The following IFI16 variants were observed in gnomAD, a reference collection of about 807,000 sequenced individuals.
The protein encoded by IFI16 is gamma-interferon-inducible protein 16.
In IFI16, 49 loss-of-function variants were observed where a neutral mutation model predicts 68.4. That is an observed-to-expected ratio of 0.72 (90% CI 0.57 to 0.91). The LOEUF is 0.91. Among genes scored for constraint, IFI16 ranks in the 40% least tolerant of loss-of-function variants. The pLI is 0.00. For synonymous variants in IFI16, 307 were observed against 315.0 expected (o/e 0.97, Z 0.27); for missense variants, 878 against 942.9 (o/e 0.93, Z 0.90).
At chr1:159,052,148 T>C (rs1422346562) in intron 10 of IFI16, 50 bp downstream of exon 10, 11 of 1,467,324 alleles carry the variant, frequency 7.5e-6, no homozygotes, top group Non-Finnish European at 1.0e-5. Flanking sequence ...CCTCCAATTT[T>C]TAAAGTCTTA....
upstream of IFI16, among the ~76,000 whole-genome samples, chr1:159,002,503 A>C (rs77477657): frequency 0.025 from 3,759 of 152,184 alleles, 160 homozygotes; most frequent in African/African-American, 0.086. Flanking sequence ...TTTTTTTCTA[A>C]GCTCATCCTT....
chr1:159,004,139 T>C (rs1652166160), upstream of IFI16, among the ~76,000 whole-genome samples: 1 of 139,590 alleles, frequency 7.2e-6, no homozygotes. Flanking sequence ...ACTTGTAAAT[T>C]TTATTTCTCT....
intron 6 of IFI16, among the ~76,000 whole-genome samples, chr1:159,030,348 C>A (rs1434894455): frequency 1.3e-5 from 2 of 152,118 alleles, no homozygotes; most frequent in Non-Finnish European, 1.5e-5. Flanking sequence ...GTAGTGTGAT[C>A]TTTTGGGGCT....
upstream of IFI16, among the ~76,000 whole-genome samples, chr1:159,006,227 A>C (rs576959760): frequency 6.6e-6 from 1 of 152,354 alleles, no homozygotes; most frequent in East Asian, 1.9e-4. Flanking sequence ...AATGCTCAAA[A>C]TTCTCTCGGC....
At chr1:159,028,196 G>C (rs1466178717) in intron 6 of IFI16, among the ~76,000 whole-genome samples, 1 of 151,988 alleles carries the variant, frequency 6.6e-6, no homozygotes, top group East Asian at 1.9e-4. Context: ...GTATCTCAGA[G>C]GTTTTATAGG....
intron 7 of IFI16, among the ~76,000 whole-genome samples, chr1:159,034,337 T>G (rs1200260030): frequency 1.3e-5 from 2 of 152,180 alleles, no homozygotes; most frequent in Admixed American, 6.5e-5. Context: ...CTCTGTGTCT[T>G]TTGATATTTA....
intron 7 of IFI16, among the ~76,000 whole-genome samples, chr1:159,033,161 G>C (rs1654114265): frequency 6.6e-6 from 1 of 152,064 alleles, no homozygotes; most frequent in African/African-American, 2.4e-5. Flanking sequence ...TCACTGGTGA[G>C]AATCTCCTTA....
Position 159,032,576 on chromosome 1 carries a change from C to T in IFI16, c.1214C>T (p.Pro405Leu), listed in dbSNP as rs748659328. ...AATGACCCCAAGAGCATGAAGCTAC[C>T]CCAGGAACAGCGTCAGCTTCCATAT... ...RNNDPKSMKL[P>L]QEQRQLPYPS... The change falls in exon 7 of 12, where the codon CCC (proline) becomes CTC (leucine). Residue 405 changes from proline to leucine, a missense_variant. Physicochemically the swap from Pro to Leu is moderately conservative, Grantham distance 98 (BLOSUM62 -3). Coordinates refer to ENST00000295809, the MANE Select transcript of IFI16 (RefSeq NM_001376587.1). 1 of 1,611,640 alleles carries T rather than the reference C, an allele frequency of 6.2e-7. No individual in the cohort carries two copies. Among genetic ancestry groups the T allele is most frequent in the African/African-American group, 1.3e-5 (1 of 74,712 alleles).
chr1:159,036,516 A>G (rs2101885282), intron 7 of IFI16, among the ~76,000 whole-genome samples: 1 of 152,278 alleles, frequency 6.6e-6, no homozygotes, highest in South Asian at 2.1e-4. Flanking sequence ...GCCTTAATGA[A>G]CTCTAAAGCT....
chr1:159,054,779 C>T, intron 11 of IFI16, 42 bp from the exon 12 acceptor site: 1 of 1,009,880 alleles, frequency 9.9e-7, no homozygotes, highest in Non-Finnish European at 1.6e-6. Context: ...GTAGGATCAT[C>T]AGCATCTCAA....
At chr1:159,019,274 TAG>T (rs1653139966) in intron 5 of IFI16, among the ~76,000 whole-genome samples, 1 of 127,338 alleles carries the variant, frequency 7.9e-6, no homozygotes, top group African/African-American at 3.5e-5. Flanking sequence ...AAAAAAAAAA[TAG>T]AGTACAGAGT....
chr1:159,032,188 G>A (rs1433781907), intron 6 of IFI16, among the ~76,000 whole-genome samples: 1 of 152,174 alleles, frequency 6.6e-6, no homozygotes, highest in East Asian at 1.9e-4. Context: ...GTATAAATTG[G>A]TATATGTAGA....
chr1:159,055,000 A>C lies in IFI16; in HGVS notation c.*99A>C, dbSNP rs969886607. 2.1e-5 allele frequency: 12 copies of C among 580,256 alleles called. No homozygotes were observed. The African/African-American group carries it at 2.2e-4, about 11-fold the overall frequency. 35.9% of individuals were successfully genotyped at this position (580,256 alleles called of 1,614,324 possible). A position where few individuals can be genotyped will look rare whatever the true frequency, so the allele number is the denominator to read the frequency against. ...TTGAAATACAACACTATACATACAC[A>C]CCACCATATATACTAGCTGTTAATC... On this transcript the variant is annotated 3_prime_UTR_variant, in exon 12 of 12. Transcript: ENST00000295809.
intron 6 of IFI16, among the ~76,000 whole-genome samples, chr1:159,031,010 T>C (rs1395114829): frequency 6.6e-6 from 1 of 151,868 alleles, no homozygotes. Flanking sequence ...GGAAAGCTGA[T>C]GCTGCTGTGG....
At chr1:159,000,295 C>A in exon 1 of IFI16, 1 of 249,332 alleles carries the variant, frequency 4.0e-6, no homozygotes, top group Non-Finnish European at 8.5e-6. Context: ...AGAGTATCTC[C>A]TTATATTTAC....
intron 7 of IFI16, among the ~76,000 whole-genome samples, chr1:159,033,366 C>T (rs1201213257): frequency 6.6e-6 from 1 of 152,156 alleles, no homozygotes; most frequent in Non-Finnish European, 1.5e-5. Context: ...TGAGGTTTTC[C>T]TTAACAGGGT....
upstream of IFI16, among the ~76,000 whole-genome samples, chr1:159,003,322 A>T (rs1314839673): frequency 1.3e-5 from 2 of 152,252 alleles, no homozygotes; most frequent in Non-Finnish European, 2.9e-5. Context: ...TGGTGAATCC[A>T]GTTATCTATT....
At chr1:159,005,361 C>G (rs1022641062), upstream of IFI16, among the ~76,000 whole-genome samples, 1 of 152,186 alleles carries the variant, frequency 6.6e-6, no homozygotes, top group African/African-American at 2.4e-5. Context: ...ATATTTTCTC[C>G]ATGAGACATG....
At chr1:159,032,474 G>A (rs777408065) in intron 6 of IFI16, 50 bp from the exon 7 acceptor site, 2 of 1,134,326 alleles carry the variant, frequency 1.8e-6, no homozygotes, top group East Asian at 2.6e-5. Context: ...AAAAGATGTT[G>A]TGCTTCCTCT....
Sources: allele counts gnomAD v4.1 joint callset (sites outside exome capture counted in the v4.1 genomes callset), GRCh38; gene constraint gnomAD v4.1.1; transcripts MANE v1.5; gene names NCBI Gene and HGNC (gene_info 2026-07-23, HGNC 2026-07-21).